Variants in MYO16 observed in about 807,000 individuals in gnomAD.
MYO16 encodes the protein myosin XVI, also known as unconventional myosin-XVI.
MYO16 carries 94 observed loss-of-function variants against 205.3 expected under a neutral mutation model. The observed-to-expected ratio is 0.46, with a 90% CI of 0.39 to 0.54. MYO16 has a LOEUF of 0.54. MYO16 is among the 20% of genes least tolerant of loss of function. The pLI is 0.00. For synonymous variants in MYO16, 988 were observed against 954.0 expected (o/e 1.04, Z -0.66); for missense variants, 2,315 against 2,387.5 (o/e 0.97, Z 0.63).
the MYO16 span, among the ~76,000 whole-genome samples, chr13:108,569,028 A>T: frequency 1.3e-5 from 2 of 151,830 alleles, no homozygotes; most frequent in African/African-American, 4.8e-5. Flanking sequence ...TATATGTCTG[A>T]TTTTATGCCA....
At chr13:108,502,369 C>T in the MYO16 span, among the ~76,000 whole-genome samples, 2 of 152,032 alleles carry the variant, frequency 1.3e-5, no homozygotes, top group Non-Finnish European at 2.9e-5. Context: ...TTAGCATGAT[C>T]GACATAATTT....
At chr13:108,950,899 A>G (rs1268204325) in intron 16 of MYO16, among the ~76,000 whole-genome samples, 1 of 152,194 alleles carries the variant, frequency 6.6e-6, no homozygotes. Flanking sequence ...GCATGAATCC[A>G]CAGAAAACTG....
At chr13:108,739,330 T>C (rs910375536) in intron 4 of MYO16, among the ~76,000 whole-genome samples, 5 of 152,192 alleles carry the variant, frequency 3.3e-5, no homozygotes, top group Non-Finnish European at 5.9e-5. Flanking sequence ...AGGGCAGACC[T>C]GGTGGTGACA....
chr13:108,747,005 C>T (rs535166875), intron 4 of MYO16, among the ~76,000 whole-genome samples: 2 of 152,238 alleles, frequency 1.3e-5, no homozygotes, highest in African/African-American at 4.8e-5. Flanking sequence ...GAGTGAAATA[C>T]TTAAAATGCT....
intron 2 of MYO16, among the ~76,000 whole-genome samples, chr13:108,687,879 C>A (rs1882740877): frequency 1.3e-5 from 2 of 152,218 alleles, no homozygotes; most frequent in South Asian, 4.1e-4. Context: ...CTTGGTGCAT[C>A]TAGCTATAGA....
intron 34 of MYO16, among the ~76,000 whole-genome samples, chr13:109,196,734 A>G (rs927393226): frequency 1.3e-5 from 2 of 152,028 alleles, no homozygotes; most frequent in Non-Finnish European, 1.5e-5. Context: ...CCCTTTGTCA[A>G]TTTCTTTGGA....
the MYO16 span, among the ~76,000 whole-genome samples, chr13:108,557,735 T>A: frequency 3.3e-5 from 5 of 152,224 alleles, no homozygotes; most frequent in Admixed American, 1.3e-4. Flanking sequence ...ATATAATGAA[T>A]GAAAAGAGGT....
At chr13:109,167,012 C>A (rs1031036025) in intron 33 of MYO16, 9 of 152,230 alleles carry the variant, frequency 5.9e-5, no homozygotes, top group African/African-American at 2.2e-4. Flanking sequence ...TTTTCAAGGT[C>A]ACTCACGTGG....
chr13:108,684,354 A>G (rs1451690288), intron 2 of MYO16, among the ~76,000 whole-genome samples: 1 of 152,218 alleles, frequency 6.6e-6, no homozygotes, highest in Admixed American at 6.5e-5. Context: ...AAGTGAACAC[A>G]AAGAGGAGGT....
At chr13:109,134,826 A>C (rs912133935) in intron 31 of MYO16, among the ~76,000 whole-genome samples, 1 of 152,076 alleles carries the variant, frequency 6.6e-6, no homozygotes, top group Non-Finnish European at 1.5e-5. Context: ...AACAGATTCT[A>C]CCTCTGGAAA....
intron 2 of MYO16, among the ~76,000 whole-genome samples, chr13:108,697,768 G>A (rs923613304): frequency 5.9e-5 from 9 of 151,812 alleles, no homozygotes; most frequent in Non-Finnish European, 1.0e-4. Flanking sequence ...TGTCACCCAG[G>A]CTGGAGTGCA....
At chr13:108,548,206 A>AATG in the MYO16 span, among the ~76,000 whole-genome samples, 1 of 151,806 alleles carries the variant, frequency 6.6e-6, no homozygotes, top group Admixed American at 6.6e-5. Flanking sequence ...TGCATATGAT[A>AATG]ATGATGATGA....
the MYO16 span, among the ~76,000 whole-genome samples, chr13:108,506,656 A>G: frequency 2.0e-5 from 3 of 152,108 alleles, no homozygotes; most frequent in East Asian, 5.8e-4. Context: ...TTCCTTCACA[A>G]TTTGAATGTC....
At chr13:108,750,588 G>A (rs534935044) in intron 4 of MYO16, among the ~76,000 whole-genome samples, 1 of 148,962 alleles carries the variant, frequency 6.7e-6, no homozygotes, top group Admixed American at 6.8e-5. Context: ...GGCCAACATG[G>A]TGATATGCCA....
chr13:108,561,812 A>G, the MYO16 span, among the ~76,000 whole-genome samples: 1 of 152,212 alleles, frequency 6.6e-6, no homozygotes. Flanking sequence ...AAGTGAGTAA[A>G]TCAAATAAAT....
intron 3 of MYO16, among the ~76,000 whole-genome samples, chr13:108,722,194 G>T (rs1017869523): frequency 3.3e-5 from 5 of 152,152 alleles, no homozygotes; most frequent in Non-Finnish European, 7.3e-5. Context: ...ACCTGGTGGT[G>T]TTGGAGTTCT....
chr13:108,564,061 A>G, the MYO16 span, among the ~76,000 whole-genome samples: 1 of 152,138 alleles, frequency 6.6e-6, no homozygotes, highest in South Asian at 2.1e-4. Flanking sequence ...TGATATCTCA[A>G]TGTAGTTTTC....
chr13:109,063,276 G>A (rs1887646026), intron 27 of MYO16, among the ~76,000 whole-genome samples: 1 of 152,122 alleles, frequency 6.6e-6, no homozygotes, highest in Admixed American at 6.6e-5. Context: ...AGAAAAGTAT[G>A]CTTGTCAATA....
rs171906 is a variant in MYO16 at position 108,873,088 on chromosome 13, T to C, written c.1425+6846T>C. 5.5e-3 allele frequency among the ~76,000 whole-genome samples: 835 copies of C among 152,350 alleles called. 5 individuals carry two copies. Among genetic ancestry groups the C allele is most frequent in the African/African-American group, 0.019 (794 of 41,586 alleles). On this transcript the variant is annotated intron_variant, in intron 12 of 34. Transcript: ENST00000457511. ...CTATCAGATATTCATTAAAACGATC[T>C]TGTTGTCCTCAGGCCACACAACAAA...
Sources: allele counts gnomAD v4.1 joint callset (sites outside exome capture counted in the v4.1 genomes callset), GRCh38; gene constraint gnomAD v4.1.1; transcripts MANE v1.5; gene names NCBI Gene and HGNC (gene_info 2026-07-23, HGNC 2026-07-21).